ZNF544: variants seen among roughly 807,000 people sequenced by gnomAD.
The protein encoded by ZNF544 is zinc finger protein 544, also known as zinc finger protein AF020591.
A neutral mutation model predicts 13.5 loss-of-function variants in ZNF544; 10 were observed. The ratio of observed to expected loss-of-function variants is 0.74; its 90% CI spans 0.46 to 1.25. The LOEUF (loss-of-function observed/expected upper bound fraction) is 1.25, where lower values mean the gene tolerates loss of function less well. ZNF544 is among the 50% of genes most tolerant of loss of function. The pLI is 0.00. For synonymous variants in ZNF544, 323 were observed against 300.5 expected, an observed-to-expected ratio of 1.07 and a Z score of -0.77; for missense variants, 896 against 845.6, an observed-to-expected ratio of 1.06 and a Z score of -0.74.
At chr19:58,253,444 T>C (rs1387695859) in intron 6 of ZNF544, among the ~76,000 whole-genome samples, 1 of 152,086 alleles carries the variant, frequency 6.6e-6, no homozygotes, top group East Asian at 1.9e-4. Context: ...TCTGATTTGT[T>C]TATTTATTTT....
intron 6 of ZNF544, chr19:58,257,288 T>C (rs1264818048): frequency 6.6e-6 from 1 of 152,140 alleles, no homozygotes; most frequent in Non-Finnish European, 1.5e-5. Flanking sequence ...AACAAAAGCA[T>C]AGCTGTATTG....
intron 3 of ZNF544, among the ~76,000 whole-genome samples, chr19:58,236,891 G>A (rs768666369): frequency 6.6e-6 from 1 of 151,304 alleles, no homozygotes; most frequent in Admixed American, 6.6e-5. Context: ...ACAGGTGCGC[G>A]CCACCATGCC....
chr19:58,239,126 G>A (rs1435984324), intron 3 of ZNF544, among the ~76,000 whole-genome samples: 1 of 152,202 alleles, frequency 6.6e-6, no homozygotes, highest in East Asian at 1.9e-4. Flanking sequence ...CTGCTGATGT[G>A]TGAGGTTGGC....
chr19:58,238,535 G>A (rs954836686), intron 3 of ZNF544, among the ~76,000 whole-genome samples: 4 of 152,132 alleles, frequency 2.6e-5, no homozygotes, highest in African/African-American at 7.2e-5. Context: ...CGCAGGAGGC[G>A]TCAGGAAGGA....
At chr19:58,241,179 A>ATATATATATT (rs1181835768) in intron 3 of ZNF544, among the ~76,000 whole-genome samples, 1 of 72,764 alleles carries the variant, frequency 1.4e-5, no homozygotes, top group African/African-American at 5.9e-5. Flanking sequence ...ATATATATAT[A>ATATATATATT]TTTTTTTTTT....
At chr19:58,236,734 T>G (rs940631715) in intron 3 of ZNF544, among the ~76,000 whole-genome samples, 1 of 148,936 alleles carries the variant, frequency 6.7e-6, no homozygotes, top group Admixed American at 6.9e-5. Flanking sequence ...GTATGTATCA[T>G]TCTGTGAAAC....
At chr19:58,253,035 G>C (rs1441650188) in intron 6 of ZNF544, among the ~76,000 whole-genome samples, 2 of 152,110 alleles carry the variant, frequency 1.3e-5, no homozygotes, top group African/African-American at 4.8e-5. Flanking sequence ...GGCCAGGATG[G>C]GCTCGATTTC....
chr19:58,254,223 CAAA>C lies in ZNF544; in HGVS notation c.245-6619_245-6617del, dbSNP rs879469139. On this transcript the variant is annotated intron_variant, in intron 6 of 6. Transcript: ENST00000687789. ...TGGGTGACAGAACGAGACTCCATCT[CAAA>C]AAAAAAAAGGAACAGCAGCACAAAT... Among the ~76,000 whole-genome samples the C allele has an allele frequency of 7.7e-5, 11 of 142,072 alleles. No individual in the cohort carries two copies. In the East Asian group the frequency reaches 2.2e-3, roughly 28 times the overall value. 93.2% of individuals were successfully genotyped at this position (142,072 alleles called of 152,430 possible).
chr19:58,255,044 C>T (rs260450), intron 6 of ZNF544, among the ~76,000 whole-genome samples: 76,543 of 150,134 alleles, frequency 0.51, 19,632 homozygotes, highest in Middle Eastern at 0.62. Context: ...CCCGCCACCA[C>T]GCACGGCTAA....
intron 5 of ZNF544, among the ~76,000 whole-genome samples, chr19:58,272,971 C>T (rs2050817780): frequency 6.6e-6 from 1 of 151,824 alleles, no homozygotes; most frequent in Non-Finnish European, 1.5e-5. Context: ...ATTGCAAGTT[C>T]AGGAAATCGA....
chr19:58,276,239 C>A, intron 5 of ZNF544: 2 of 610,658 alleles, frequency 3.3e-6, no homozygotes, highest in Non-Finnish European at 2.4e-6. Flanking sequence ...TAGATCTTTG[C>A]ACACCTGCCC....
chr19:58,259,071 C>T (rs2048323700), intron 6 of ZNF544: 1 of 152,168 alleles, frequency 6.6e-6, no homozygotes, highest in Non-Finnish European at 1.5e-5. Context: ...CAAAATAAAT[C>T]TTGTAGGCTA....
intron 6 of ZNF544, chr19:58,257,915 G>C (rs147304061): frequency 6.6e-6 from 1 of 152,104 alleles, no homozygotes; most frequent in Non-Finnish European, 1.5e-5. Flanking sequence ...AATTTTTCTC[G>C]TGTCTTCCTG....
chr19:58,242,568 C>T (rs1435370259), intron 3 of ZNF544, among the ~76,000 whole-genome samples: 3 of 151,734 alleles, frequency 2.0e-5, no homozygotes, highest in African/African-American at 7.3e-5. Context: ...GGCTGGAGTC[C>T]AGTGGTGTGA....
intron 5 of ZNF544, among the ~76,000 whole-genome samples, chr19:58,271,206 C>T (rs141444920): frequency 4.1e-5 from 6 of 146,746 alleles, no homozygotes; most frequent in East Asian, 4.0e-4. Flanking sequence ...AGTCAGACTC[C>T]GTCTCCAGGA....
rs554627624 is a variant in ZNF544, at chr19:58,245,870, G to C, written c.34-431G>C. On this transcript the variant is annotated intron_variant, in intron 4 of 6. Coordinates refer to ENST00000687789, the MANE Select transcript of ZNF544 (RefSeq NM_014480.4). ...GGACCACTGCTGTGACTGGCAAGAG[G>C]TGAGATGCCCAGAAAAGGAATGGTA... The C allele has an allele frequency of 7.3e-5, 14 of 192,498 alleles. No homozygotes were observed. In the South Asian group the frequency reaches 9.5e-4, roughly 13 times the overall value. The allele number at this position is 192,498 out of a possible 1,614,324, so 11.9% of individuals were successfully genotyped here.
chr19:58,270,372 G>A (rs564283229), intron 5 of ZNF544, among the ~76,000 whole-genome samples: 1 of 150,610 alleles, frequency 6.6e-6, no homozygotes, highest in South Asian at 2.1e-4. Context: ...CGCGATCTTG[G>A]CTCACTGTAA....
chr19:58,266,899 G>C (rs958696788), downstream of ZNF544: 8 of 152,220 alleles, frequency 5.3e-5, no homozygotes, highest in East Asian at 1.5e-3. Context: ...CTTCACCCTC[G>C]AGCAAAGCGT....
intron 3 of ZNF544, among the ~76,000 whole-genome samples, chr19:58,231,457 G>C (rs995478659): frequency 2.6e-5 from 4 of 152,218 alleles, no homozygotes; most frequent in African/African-American, 9.6e-5. Flanking sequence ...CTGGCCTGTA[G>C]GAAGTACAGC....
Sources: allele counts gnomAD v4.1 joint callset (sites outside exome capture counted in the v4.1 genomes callset), GRCh38; gene constraint gnomAD v4.1.1; transcripts MANE v1.5; gene names NCBI Gene and HGNC (gene_info 2026-07-23, HGNC 2026-07-21).